Variants in MRPL4 observed in about 807,000 individuals in gnomAD.
The protein encoded by MRPL4 is mitochondrial ribosomal protein L4.
MRPL4 carries 34 observed loss-of-function variants against 34.1 expected under a neutral mutation model. The observed-to-expected ratio is 1.00, with a 90% confidence interval of 0.76 to 1.33. MRPL4 has a LOEUF of 1.33. Among genes scored for constraint, MRPL4 ranks in the 40% most tolerant of loss-of-function variants. The pLI is 0.00. For missense variants in MRPL4, 402 were observed against 434.6 expected, an observed-to-expected ratio of 0.92 and a Z score of 0.67; for synonymous variants, 196 against 188.3, an observed-to-expected ratio of 1.04 and a Z score of -0.33.
At chr19:10,252,919 A>C in intron 3 of MRPL4, 1 of 637,514 alleles carries the variant, frequency 1.6e-6, no homozygotes, top group South Asian at 2.6e-5. Flanking sequence ...TTAGGGAGAC[A>C]GAATTCTGGA....
Position 10,252,290 on chromosome 19 carries a change from C to T in MRPL4, c.37C>T (p.Leu13Phe). Residue 13 changes from leucine to phenylalanine, a missense_variant, in exon 1 of 9, where the codon CTT becomes TTT. Leu to Phe is a conservative substitution (Grantham distance 22). Coordinates refer to ENST00000253099, the MANE Select transcript of MRPL4 (RefSeq NM_015956.3). Reference protein sequence around the residue: ...QFVRAGARAWLRPTGSQGLSS... With the variant: ...QFVRAGARAWFRPTGSQGLSS... ...CGTCCGGGCCGGGGCGCGGGCCTGG[C>T]TTCGGCCTACCGGCAGCCAGGTGAG... is the stretch of plus-strand genomic sequence containing the variant. The T allele has an allele frequency of 3.7e-6, 6 of 1,609,820 alleles. No individual in the cohort carries two copies. Among genetic ancestry groups the T allele is most frequent in the Non-Finnish European group, 5.1e-6 (6 of 1,178,198 alleles).
rs144157141 is a variant in MRPL4 at position 10,258,288 on chromosome 19, C to T, written c.512C>T (p.Ala171Val). 37 of 1,614,004 alleles carry T rather than the reference C, an allele frequency of 2.3e-5. No homozygotes were observed. Among genetic ancestry groups the T allele is most frequent in the Middle Eastern group, 1.6e-4 (1 of 6,084 alleles). ...TACATGCTGCCCATGAAGGTGCGGG[C>T]GCTGGGTCTCAAAGTGGCACTGACC... ...YYYMLPMKVR[A>V]LGLKVALTVK... The change falls in exon 6 of 9, where the codon GCG (alanine) becomes GTG (valine). Residue 171 changes from alanine (A) to valine (V), a missense_variant. Coordinates refer to ENST00000253099, the MANE Select transcript of MRPL4 (RefSeq NM_015956.3).
chr19:10,259,394 C>G, intron 8 of MRPL4: 1 of 1,405,050 alleles, frequency 7.1e-7, no homozygotes, highest in Middle Eastern at 2.6e-4. Context: ...CCGAGCCTGG[C>G]TCTCGGTCAG....
chr19:10,252,268 CCGGGCCGGGGCG>C lies in MRPL4; in HGVS notation c.22_33del (p.Gly8_Ala11del). On this transcript the variant is annotated inframe_deletion, in exon 1 of 9. Coordinates refer to ENST00000253099, the MANE Select transcript of MRPL4 (RefSeq NM_015956.3). Reference sequence around the variant, plus strand: ...GCTGCGCGGCGATGCTGCAGTTCGTCCGGGCCGGGGCGCGGGCCTGGCTTCGGCCTACCGGCA... The same window carrying C: ...GCTGCGCGGCGATGCTGCAGTTCGTCCGGGCCTGGCTTCGGCCTACCGGCA... The C allele has an allele frequency of 6.2e-7, 1 of 1,608,024 alleles. No individual in the cohort carries two copies. Among genetic ancestry groups the C allele is most frequent in the African/African-American group, 1.3e-5 (1 of 74,642 alleles).
At chr19:10,259,521 C>A in intron 8 of MRPL4, 96 bp from the exon 9 acceptor site, 1 of 1,516,612 alleles carries the variant, frequency 6.6e-7, no homozygotes, top group Non-Finnish European at 8.8e-7. Flanking sequence ...CAGTGACGAT[C>A]TCTGTAAGCA....
intron 3 of MRPL4, 184 bp downstream of exon 3, chr19:10,252,885 C>T: frequency 1.1e-6 from 1 of 896,812 alleles, no homozygotes; most frequent in East Asian, 2.7e-5. Context: ...AGATTGAAGC[C>T]TGAGAGGTGA....
At position 10,258,238 on chromosome 19, in the gene MRPL4, C is replaced by A. The variant is rs976058486; in HGVS notation, c.462C>A (p.Gly154=). The A allele has an allele frequency of 1.2e-6, 2 of 1,613,334 alleles. No homozygotes were observed. Among genetic ancestry groups the A allele is most frequent in the African/African-American group, 2.7e-5 (2 of 74,892 alleles). Residue 154 remains glycine, a synonymous_variant, in exon 6 of 9, where the codon GGC becomes GGA. Coordinates refer to ENST00000253099, the MANE Select transcript of MRPL4 (RefSeq NM_015956.3). ...TCCCCGCAGGAGGTGTTGCCCATGG[C>A]CCCCGGGGCCCCACAAGTTACTACT... The part of the protein sequence containing the change: ...PLWRGGGVAH[G]PRGPTSYYYM...
chr19:10,257,577 C>T (rs1028495245), intron 5 of MRPL4, among the ~76,000 whole-genome samples: 3 of 152,254 alleles, frequency 2.0e-5, no homozygotes, highest in Middle Eastern at 3.4e-3. Flanking sequence ...TGCTGCATTT[C>T]CAAGGCCCAG....
In MRPL4 at chr19:10,258,246, G is replaced by GC. The variant is rs1437606349; in HGVS notation, c.474dup (p.Thr159HisfsTer78). The GC allele has an allele frequency of 6.2e-7, 1 of 1,614,002 alleles. No individual in the cohort carries two copies. Among genetic ancestry groups the GC allele is most frequent in the Non-Finnish European group, 8.5e-7 (1 of 1,179,996 alleles). On this transcript the variant is annotated frameshift_variant, in exon 6 of 9. Coordinates refer to ENST00000253099, the MANE Select transcript of MRPL4 (RefSeq NM_015956.3). LOFTEE classifies it high-confidence loss of function. ...GGAGGTGTTGCCCATGGCCCCCGGG[G>GC]CCCCACAAGTTACTACTACATGCTG...
At position 10,256,904 on chromosome 19, in the gene MRPL4, C is replaced by G. The variant is rs1462357485; in HGVS notation, c.445+79C>G. ...CTGGGTGTTTACTCACACACAGCTG[C>G]GCACATCTGGCATGGTATTATGTCA... On this transcript the variant is annotated intron_variant, in intron 5 of 8. Transcript: ENST00000253099. The G allele has an allele frequency of 6.2e-6, 7 of 1,124,720 alleles. No homozygotes were observed. In the East Asian group the frequency reaches 2.1e-4, roughly 33 times the overall value. The allele number at this position is 1,124,720 out of a possible 1,614,324, so 69.7% of individuals were successfully genotyped here.
rs1181499552 is a variant in MRPL4 at position 10,254,496 on chromosome 19, T to G, written c.276-93T>G. On this transcript the variant is annotated intron_variant, in intron 3 of 8. Transcript: ENST00000253099. The stretch of plus-strand genomic sequence containing the variant: ...GGCAGAGGCAAATCGCCCAGGGCCC[T>G]GGAGGCAGAAGGGAGAATCCTGGGT... 3 of 1,488,568 alleles carry G rather than the reference T, an allele frequency of 2.0e-6. No individual in the cohort carries two copies. The African/African-American group carries it at 4.2e-5, about 21-fold the overall frequency. 92.2% of individuals were successfully genotyped at this position (1,488,568 alleles called of 1,614,324 possible).
Position 10,254,609 on chromosome 19 carries a change from T to C in MRPL4, c.296T>C (p.Val99Ala). 1.2e-6 allele frequency: 2 copies of C among 1,613,760 alleles called. No individual in the cohort carries two copies. The highest frequency in any genetic ancestry group is 2.2e-5 in the South Asian group (2 of 91,050). Residue 99 changes from valine (V) to alanine (A), a missense_variant, in exon 4 of 9, where the codon GTT becomes GCT. Coordinates refer to ENST00000253099, the MANE Select transcript of MRPL4 (RefSeq NM_015956.3). ...TAPRLDILHQ[V>A]AMWQKNFKRI... ...CGCAGGCTGGACATACTGCACCAGGTTGCTATGTGGCAGAAGAACTTCAAG... is the reference window on the plus strand; with the variant it reads ...CGCAGGCTGGACATACTGCACCAGGCTGCTATGTGGCAGAAGAACTTCAAG...
chr19:10,252,209 G>T, upstream of MRPL4: 1 of 1,536,158 alleles, frequency 6.5e-7, no homozygotes, highest in Non-Finnish European at 8.7e-7. Context: ...GCCTCGCGAG[G>T]CTCCAGTGGC....
chr19:10,259,586 G>GGGCCC, intron 8 of MRPL4, 31 bp from the exon 9 acceptor site: 4 of 1,461,430 alleles, frequency 2.7e-6, no homozygotes, highest in Non-Finnish European at 3.6e-6. Context: ...GGCCTGACCG[G>GGGCCC]CCCCCCGCCC....
chr19:10,259,466 G>T (rs1236721168), intron 8 of MRPL4, 151 bp from the exon 9 acceptor site: 16 of 1,437,556 alleles, frequency 1.1e-5, no homozygotes, highest in Non-Finnish European at 1.4e-5. Flanking sequence ...CGGCCAGGCA[G>T]GGTCTGGCCC....
chr19:10,256,728 G>A lies in MRPL4; in HGVS notation c.348G>A (p.Thr116=), dbSNP rs143363894. The change falls in exon 5 of 9, where the codon ACG becomes ACA. Residue 116 remains threonine (T), a synonymous_variant. Transcript: ENST00000253099. ...TCCAGAGCTATGCCAAGACCAAGAC[G>A]AGAGCCGAGGTGCGGGGCGGTGGCC... ...FKRISYAKTK[T]RAEVRGGGRK... is the part of the protein sequence containing the mutation. 2,057 of 1,608,292 alleles carry A rather than the reference G, an allele frequency of 1.3e-3. 21 individuals carry two copies. In the African/African-American group the frequency reaches 0.024, roughly 19 times the overall value.
intron 4 of MRPL4, 153 bp downstream of exon 4, chr19:10,254,793 G>T (rs551270740): frequency 4.8e-5 from 32 of 665,276 alleles, no homozygotes; most frequent in Non-Finnish European, 6.1e-5. Context: ...TCCATTTTTG[G>T]TTCTCTTTTT....
chr19:10,259,313 C>G (rs751138759), intron 8 of MRPL4: 12 of 1,382,844 alleles, frequency 8.7e-6, no homozygotes, highest in Admixed American at 3.5e-5. Context: ...CGTCACCTCC[C>G]TGCCCTCCCG....
In MRPL4 at chr19:10,259,790, G is replaced by A. The variant is rs1185046900; in HGVS notation, c.913G>A (p.Ala305Thr). 1 of 1,612,980 alleles carries A rather than the reference G, an allele frequency of 6.2e-7. No individual in the cohort carries two copies. Among genetic ancestry groups the A allele is most frequent in the South Asian group, 1.1e-5 (1 of 90,994 alleles). The change falls in exon 9 of 9, where the codon GCG becomes ACG. Residue 305 changes from alanine to threonine, a missense_variant. Transcript: ENST00000253099. ...RPLPHATQGPAATPYHC is the reference protein window; with the variant it reads ...RPLPHATQGPTATPYHC The stretch of plus-strand genomic sequence containing the variant: ...CCTACCCCACGCTACCCAGGGCCCA[G>A]CGGCCACCCCGTACCACTGTTGATG...
Sources: allele counts gnomAD v4.1 joint callset (sites outside exome capture counted in the v4.1 genomes callset), GRCh38; gene constraint gnomAD v4.1.1; transcripts MANE v1.5; gene names NCBI Gene and HGNC (gene_info 2026-07-23, HGNC 2026-07-21).